Variants in RXFP1 observed in about 807,000 individuals in gnomAD.
RXFP1 encodes the protein relaxin receptor 1.
In RXFP1, 73 loss-of-function variants were observed where a neutral mutation model predicts 89.8. That is an observed-to-expected ratio of 0.81 (90% confidence interval 0.67 to 0.99). The LOEUF is 0.99. Among genes scored for constraint, RXFP1 ranks in the 50% least tolerant of loss-of-function variants. RXFP1 has a pLI of 0.00. For missense variants in RXFP1, 793 were observed against 895.5 expected (o/e 0.89, Z 1.46); for synonymous variants, 277 against 305.5 (o/e 0.91, Z 0.97).
chr4:158,616,899 C>G (rs974333907), intron 8 of RXFP1, among the ~76,000 whole-genome samples: 1 of 149,198 alleles, frequency 6.7e-6, no homozygotes, highest in African/African-American at 2.5e-5. Context: ...CTCGGAGGGC[C>G]GAGGCAGGAA....
chr4:158,596,935 A>G (rs1211688582), intron 3 of RXFP1, among the ~76,000 whole-genome samples: 1 of 152,224 alleles, frequency 6.6e-6, no homozygotes, highest in Non-Finnish European at 1.5e-5. Flanking sequence ...TCACAAGTAT[A>G]ATTACATAAA....
intron 1 of RXFP1, among the ~76,000 whole-genome samples, chr4:158,532,590 C>T (rs1043224239): frequency 6.6e-6 from 1 of 152,190 alleles, no homozygotes; most frequent in Non-Finnish European, 1.5e-5. Flanking sequence ...GCCAGCTACT[C>T]ATGAGGGTTA....
At chr4:158,566,028 C>A (rs1753471105) in intron 1 of RXFP1, among the ~76,000 whole-genome samples, 1 of 152,060 alleles carries the variant, frequency 6.6e-6, no homozygotes, top group Non-Finnish European at 1.5e-5. Context: ...GGGTCAAGGC[C>A]ATGAAAATGA....
At chr4:158,544,256 T>A (rs978280587) in intron 1 of RXFP1, 1 of 985,246 alleles carries the variant, frequency 1.0e-6, no homozygotes. Context: ...TTTACATACA[T>A]CATGTTTGTT....
At chr4:158,646,495 A>C in intron 15 of RXFP1, 1 of 1,264,720 alleles carries the variant, frequency 7.9e-7, no homozygotes, top group Non-Finnish European at 1.0e-6. Context: ...CGACACTTCT[A>C]TGTGATGGGT....
At chr4:158,610,606 G>A (rs1763396038) in intron 6 of RXFP1, 7 of 1,123,174 alleles carry the variant, frequency 6.2e-6, no homozygotes, top group Non-Finnish European at 8.4e-6. Flanking sequence ...TGCTATTATG[G>A]TTCACTGAAA....
At chr4:158,523,308 A>G (rs184591327) in intron 1 of RXFP1, among the ~76,000 whole-genome samples, 118 of 152,330 alleles carry the variant, frequency 7.7e-4, no homozygotes, top group Non-Finnish European at 1.4e-3. Context: ...AATAGATTAA[A>G]TAAGCCAGAG....
chr4:158,524,177 T>C (rs1220870459), intron 1 of RXFP1, among the ~76,000 whole-genome samples: 4 of 152,160 alleles, frequency 2.6e-5, no homozygotes, highest in Non-Finnish European at 5.9e-5. Context: ...GCACACGAGG[T>C]AGGACATTCA....
intron 1 of RXFP1, among the ~76,000 whole-genome samples, chr4:158,564,030 A>T (rs1326021574): frequency 2.0e-5 from 3 of 151,060 alleles, no homozygotes; most frequent in East Asian, 1.9e-4. Flanking sequence ...CAATTACTTT[A>T]AAAAAAACTT....
At chr4:158,521,730 AAGG>A (rs1309627496), upstream of RXFP1, 7 of 494,664 alleles carry the variant, frequency 1.4e-5, no homozygotes, top group Non-Finnish European at 2.5e-5. Flanking sequence ...GTGTGTAAAG[AAGG>A]AGATTAGGAC....
chr4:158,605,049 A>G lies in RXFP1; in HGVS notation c.393-19A>G, dbSNP rs749027856. ...AAAGGAAAAACAACTTTAAGAATCA[A>G]AATTTACATTTATTTCAGGTCACTT... On this transcript the variant is annotated intron_variant, in intron 4 of 17. Coordinates refer to ENST00000307765, the MANE Select transcript of RXFP1 (RefSeq NM_021634.4). 2 of 1,457,906 alleles carry G rather than the reference A, an allele frequency of 1.4e-6. No homozygotes were observed. The highest frequency in any genetic ancestry group is 4.6e-5 in the East Asian group (2 of 43,372). 90.3% of individuals were successfully genotyped at this position (1,457,906 alleles called of 1,614,324 possible).
chr4:158,613,593 T>C (rs1235940135), intron 8 of RXFP1, among the ~76,000 whole-genome samples: 3 of 152,242 alleles, frequency 2.0e-5, no homozygotes, highest in African/African-American at 4.8e-5. Flanking sequence ...TATCATGAGA[T>C]TGCAGCAATT....
At chr4:158,609,013 C>G (rs903395044) in intron 6 of RXFP1, among the ~76,000 whole-genome samples, 10 of 152,166 alleles carry the variant, frequency 6.6e-5, no homozygotes, top group Non-Finnish European at 8.8e-5. Context: ...TTATGTACCA[C>G]ATTTTGTTTA....
intron 15 of RXFP1, among the ~76,000 whole-genome samples, chr4:158,646,062 C>T (rs1171784687): frequency 2.0e-5 from 3 of 152,006 alleles, no homozygotes; most frequent in South Asian, 4.1e-4. Flanking sequence ...AATGCTTGTG[C>T]GATCCAAAAA....
At chr4:158,564,870 T>C (rs985992480) in intron 1 of RXFP1, among the ~76,000 whole-genome samples, 19 of 152,362 alleles carry the variant, frequency 1.2e-4, no homozygotes, top group African/African-American at 4.6e-4. Flanking sequence ...GAAATGCTTT[T>C]TGTTTTTTAC....
chr4:158,638,135 C>T, intron 13 of RXFP1, 56 bp downstream of exon 13: 3 of 960,368 alleles, frequency 3.1e-6, no homozygotes. Context: ...TAAATACTAA[C>T]AATGTATATT....
At chr4:158,623,019 CATCATATATTTT>C (rs761300311) in intron 9 of RXFP1, among the ~76,000 whole-genome samples, 25 of 152,098 alleles carry the variant, frequency 1.6e-4, no homozygotes, top group Non-Finnish European at 3.2e-4. Context: ...AGAAAGCAGG[CATCATATATTTT>C]ATCTAAGTAG....
rs1205543128 is a variant in RXFP1 at position 158,650,365 on chromosome 4, A to G, written c.1976-1392A>G. On this transcript the variant is annotated intron_variant, in intron 17 of 17. Transcript: ENST00000307765. ...TGAGCTGTCCACTTAAAATGGTTAC[A>G]TGGTAAATTTTATGTTATGCATATT... Among the ~76,000 whole-genome samples the G allele has an allele frequency of 2.6e-5, 4 of 151,746 alleles. No individual in the cohort carries two copies. The South Asian group carries it at 6.2e-4, about 24-fold the overall frequency.
chr4:158,524,199 C>G (rs1741891100), intron 1 of RXFP1, among the ~76,000 whole-genome samples: 1 of 152,150 alleles, frequency 6.6e-6, no homozygotes, highest in African/African-American at 2.4e-5. Context: ...TGCCTTGTCA[C>G]AAGACTCCAG....
Sources: allele counts gnomAD v4.1 joint callset (sites outside exome capture counted in the v4.1 genomes callset), GRCh38; gene constraint gnomAD v4.1.1; transcripts MANE v1.5; gene names NCBI Gene and HGNC (gene_info 2026-07-23, HGNC 2026-07-21).